ARHGEF38: variants seen among roughly 807,000 people sequenced by gnomAD.
ARHGEF38 encodes Rho guanine nucleotide exchange factor (GEF) 38.
In ARHGEF38, 79 loss-of-function variants were observed where a neutral mutation model predicts 79.9. That is an observed-to-expected ratio of 0.99 (90% CI 0.82 to 1.19). The LOEUF (loss-of-function observed/expected upper bound fraction) is 1.19, where lower values mean the gene tolerates loss of function less well. Ranked by LOEUF, ARHGEF38 falls within the 50% of genes most tolerant of loss-of-function variation. The pLI is 0.00. For missense variants in ARHGEF38, 962 were observed against 907.2 expected, an observed-to-expected ratio of 1.06 and a Z score of -0.78; for synonymous variants, 366 against 328.3, an observed-to-expected ratio of 1.11 and a Z score of -1.24.
chr4:105,580,285 T>C (rs1198660313), intron 1 of ARHGEF38, among the ~76,000 whole-genome samples: 1 of 152,196 alleles, frequency 6.6e-6, no homozygotes, highest in Non-Finnish European at 1.5e-5. Flanking sequence ...CTTCCTTCTT[T>C]AGCTCTTTTA....
intron 8 of ARHGEF38, 62 bp from the exon 9 acceptor site, chr4:105,655,541 G>A: frequency 6.7e-7 from 1 of 1,495,708 alleles, no homozygotes. Context: ...CCACATTTGG[G>A]ATATGTTAAT....
chr4:105,565,004 C>G (rs1238773187), intron 1 of ARHGEF38, among the ~76,000 whole-genome samples: 1 of 152,226 alleles, frequency 6.6e-6, no homozygotes, highest in Non-Finnish European at 1.5e-5. Context: ...ATTTATTTAA[C>G]TCCTCATTGC....
At chr4:105,584,585 C>T (rs1421695064) in intron 1 of ARHGEF38, among the ~76,000 whole-genome samples, 1 of 152,146 alleles carries the variant, frequency 6.6e-6, no homozygotes, top group Non-Finnish European at 1.5e-5. Flanking sequence ...GTCTGGCTCC[C>T]AAGGCTATGC....
intron 1 of ARHGEF38, among the ~76,000 whole-genome samples, chr4:105,583,591 G>A (rs1246203704): frequency 1.3e-5 from 2 of 152,034 alleles, no homozygotes; most frequent in Non-Finnish European, 2.9e-5. Flanking sequence ...GCTCTTCCTA[G>A]CAGCTTTCAT....
At position 105,602,283 on chromosome 4, in the gene ARHGEF38, A is replaced by C. The variant is rs1672935337; in HGVS notation, c.385-11101A>C. 1.3e-5 allele frequency among the ~76,000 whole-genome samples: 2 copies of C among 152,314 alleles called. 1 individual carries two copies. Among genetic ancestry groups the C allele is most frequent in the South Asian group, 4.1e-4 (2 of 4,826 alleles). On this transcript the variant is annotated intron_variant, in intron 2 of 13. Coordinates refer to ENST00000420470, the MANE Select transcript of ARHGEF38 (RefSeq NM_001242729.2). Reference sequence around the variant, plus strand: ...ATAAAAATAACTGGAGTAAGACGAGATAGGTCTTGTCCAGGCAAACTGTCA... The same window carrying C: ...ATAAAAATAACTGGAGTAAGACGAGCTAGGTCTTGTCCAGGCAAACTGTCA...
At chr4:105,633,423 A>C (rs1048300570) in intron 4 of ARHGEF38, among the ~76,000 whole-genome samples, 5 of 152,100 alleles carry the variant, frequency 3.3e-5, no homozygotes, top group African/African-American at 1.2e-4. Flanking sequence ...AGTCTGGAAC[A>C]CCCTAAGGGC....
At chr4:105,631,120 G>T (rs570195843) in intron 4 of ARHGEF38, 75 bp downstream of exon 4, 1 of 1,492,848 alleles carries the variant, frequency 6.7e-7, no homozygotes, top group East Asian at 2.4e-5. Flanking sequence ...GGATGTAGAT[G>T]AAAGGTCTCA....
chr4:105,583,489 C>A (rs1726893047), intron 1 of ARHGEF38, among the ~76,000 whole-genome samples: 1 of 152,160 alleles, frequency 6.6e-6, no homozygotes, highest in African/African-American at 2.4e-5. Context: ...CTGCTAAAAA[C>A]CACCTCTCCC....
At chr4:105,665,486 T>C (rs1243904387) in intron 10 of ARHGEF38, among the ~76,000 whole-genome samples, 2 of 152,018 alleles carry the variant, frequency 1.3e-5, no homozygotes, top group African/African-American at 4.8e-5. Flanking sequence ...AAAAAAATTT[T>C]TTTTTTAGTA....
At chr4:105,642,028 G>A (rs543391221) in intron 5 of ARHGEF38, among the ~76,000 whole-genome samples, 3 of 152,084 alleles carry the variant, frequency 2.0e-5, no homozygotes, top group African/African-American at 4.8e-5. Context: ...ATTGTTACAC[G>A]TTTGTTTACT....
intron 2 of ARHGEF38, among the ~76,000 whole-genome samples, chr4:105,606,915 CTTTT>C (rs909678694): frequency 3.3e-5 from 5 of 152,018 alleles, no homozygotes; most frequent in African/African-American, 4.8e-5. Flanking sequence ...CTTTTACTTT[CTTTT>C]GTCTACTCAT....
rs369612790 is a variant in ARHGEF38 at position 105,584,937 on chromosome 4, C to T, written c.197-4311C>T. Among the ~76,000 whole-genome samples the T allele has an allele frequency of 4.9e-4, 74 of 152,174 alleles. 1 individual carries two copies. Among genetic ancestry groups the T allele is most frequent in the East Asian group, 5.8e-4 (3 of 5,190 alleles). On this transcript the variant is annotated intron_variant, in intron 1 of 13. Transcript: ENST00000420470. ...CTCTAAGAGATCGAGGTTCTCCCCA[C>T]GCATATACCCAAGCCAGATAAACTG...
intron 3 of ARHGEF38, among the ~76,000 whole-genome samples, chr4:105,629,074 C>T (rs1560732334): frequency 1.3e-5 from 2 of 151,974 alleles, no homozygotes; most frequent in African/African-American, 2.4e-5. Context: ...AATCATTCTC[C>T]GATTGTATAA....
chr4:105,605,869 A>C (rs1005672331), intron 2 of ARHGEF38, among the ~76,000 whole-genome samples: 6 of 152,094 alleles, frequency 3.9e-5, no homozygotes, highest in African/African-American at 1.4e-4. Flanking sequence ...CTTACTAAAA[A>C]ATAAAACAAA....
At chr4:105,668,484 A>G (rs1242285672) in intron 13 of ARHGEF38, among the ~76,000 whole-genome samples, 1 of 152,186 alleles carries the variant, frequency 6.6e-6, no homozygotes, top group Admixed American at 6.5e-5. Flanking sequence ...GCAAAATGGT[A>G]AGTTAATTAT....
In ARHGEF38 at chr4:105,677,778, AG is replaced by A. The variant is rs1731173479; in HGVS notation, c.2176del (p.Ala726HisfsTer23). 6.6e-7 allele frequency: 1 copy of A among 1,517,720 alleles called. No individual in the cohort carries two copies. Among genetic ancestry groups the A allele is most frequent in the Admixed American group, 2.0e-5 (1 of 50,218 alleles). The allele number at this position is 1,517,720 out of a possible 1,614,324, so 94.0% of individuals were successfully genotyped here. On this transcript the variant is annotated frameshift_variant, in exon 14 of 14. Transcript: ENST00000420470. LOFTEE classifies it high-confidence loss of function. ...TTTTCTATGCAGTTCATGCTTTTCA[AG>A]CACGGAGTGACCATGAACTCAGCCT... The part of the protein sequence containing the change: ...QIFYAVHAFQ[A>X]RSDHELSLQE...
At chr4:105,590,613 T>C (rs971495289) in intron 2 of ARHGEF38, among the ~76,000 whole-genome samples, 2 of 152,188 alleles carry the variant, frequency 1.3e-5, no homozygotes, top group Non-Finnish European at 2.9e-5. Context: ...ACTATTACAG[T>C]GGTTGAGATG....
intron 9 of ARHGEF38, among the ~76,000 whole-genome samples, chr4:105,657,777 T>G (rs1459357503): frequency 6.6e-6 from 1 of 152,178 alleles, no homozygotes; most frequent in Non-Finnish European, 1.5e-5. Context: ...TGTTGGCTAT[T>G]GCTGGTGCCA....
intron 2 of ARHGEF38, among the ~76,000 whole-genome samples, chr4:105,602,613 G>C (rs899123292): frequency 1.3e-5 from 2 of 152,042 alleles, no homozygotes; most frequent in African/African-American, 4.8e-5. Flanking sequence ...AGCCTGCATT[G>C]ACCCTAAGGT....
Sources: allele counts gnomAD v4.1 joint callset (sites outside exome capture counted in the v4.1 genomes callset), GRCh38; gene constraint gnomAD v4.1.1; transcripts MANE v1.5; gene names NCBI Gene and HGNC (gene_info 2026-07-23, HGNC 2026-07-21).